Variants in DNAH14 observed in about 807,000 individuals in gnomAD.
DNAH14 encodes the protein dynein axonemal heavy chain 14, also known as axonemal beta dynein heavy chain 14.
DNAH14 carries 478 observed loss-of-function variants against 520.9 expected under a neutral mutation model. The observed-to-expected ratio is 0.92, with a 90% CI of 0.85 to 0.99. DNAH14 has a LOEUF of 0.99. DNAH14 is among the 50% of genes least tolerant of loss of function. The pLI is 0.00. For synonymous variants in DNAH14, 1,581 were observed against 1,757.2 expected (o/e 0.90, Z 2.51); for missense variants, 4,831 against 5,234.5 (o/e 0.92, Z 2.38).
At chr1:225,004,190 C>T (rs2063988426) in intron 9 of DNAH14, among the ~76,000 whole-genome samples, 1 of 152,060 alleles carries the variant, frequency 6.6e-6, no homozygotes, top group African/African-American at 2.4e-5. Context: ...TTGCTATTTT[C>T]AATCTGCTTA....
At chr1:225,061,564 C>A (rs2070120688) in intron 17 of DNAH14, among the ~76,000 whole-genome samples, 1 of 152,216 alleles carries the variant, frequency 6.6e-6, no homozygotes. Flanking sequence ...AACCCAGTAC[C>A]TCAGTTGGAA....
intron 36 of DNAH14, among the ~76,000 whole-genome samples, chr1:225,169,614 G>A (rs1037840656): frequency 1.1e-4 from 16 of 152,082 alleles, no homozygotes; most frequent in African/African-American, 3.9e-4. Context: ...AAGAAATATG[G>A]GACTATGTGA....
intron 38 of DNAH14, among the ~76,000 whole-genome samples, chr1:225,199,258 G>A (rs1157083745): frequency 6.6e-6 from 1 of 151,332 alleles, no homozygotes; most frequent in African/African-American, 2.4e-5. Flanking sequence ...TCTTTCTAAT[G>A]GTCTATCAAT....
chr1:225,309,248 A>G (rs1293964237), intron 60 of DNAH14, among the ~76,000 whole-genome samples: 2 of 152,198 alleles, frequency 1.3e-5, no homozygotes, highest in Non-Finnish European at 2.9e-5. Flanking sequence ...TTATATCAAG[A>G]ATAAAAGAAG....
At chr1:225,335,180 CGCATGTGT>C (rs1558424181) in intron 66 of DNAH14, among the ~76,000 whole-genome samples, 1 of 120,060 alleles carries the variant, frequency 8.3e-6, no homozygotes, top group African/African-American at 3.0e-5. Flanking sequence ...TGTACATGTG[CGCATGTGT>C]GTATATATGC....
At chr1:225,056,762 T>C (rs1349592530) in intron 17 of DNAH14, among the ~76,000 whole-genome samples, 1 of 152,224 alleles carries the variant, frequency 6.6e-6, no homozygotes, top group Non-Finnish European at 1.5e-5. Flanking sequence ...TAGCCAGTTT[T>C]CCCAGCACCA....
chr1:225,357,792 T>C, intron 73 of DNAH14: 1 of 702,144 alleles, frequency 1.4e-6, no homozygotes, highest in South Asian at 1.5e-5. Flanking sequence ...GTAGCTTCAG[T>C]TTTGCTTTAA....
intron 37 of DNAH14, among the ~76,000 whole-genome samples, chr1:225,191,220 C>T (rs985133992): frequency 6.6e-6 from 1 of 151,852 alleles, no homozygotes; most frequent in Non-Finnish European, 1.5e-5. Flanking sequence ...GCATTTATCC[C>T]TTTATTCATA....
intron 26 of DNAH14, among the ~76,000 whole-genome samples, chr1:225,123,002 G>C (rs6689608): frequency 0.13 from 19,141 of 152,086 alleles, 3,714 homozygotes; most frequent in African/African-American, 0.42. Flanking sequence ...TGACTATAAG[G>C]AAACTTAAAA....
chr1:225,360,894 A>G lies in DNAH14; in HGVS notation c.11987+3A>G, dbSNP rs2095485257. The G allele has an allele frequency of 6.4e-7, 1 of 1,550,798 alleles. No homozygotes were observed. Among genetic ancestry groups the G allele is most frequent in the East Asian group, 2.4e-5 (1 of 40,908 alleles). On this transcript the variant is annotated splice_donor_region_variant and intron_variant, in intron 75 of 85. Transcript: ENST00000682510. ...AGGCTTTGCACAATTGTAGAATCGT[A>G]AGAGTTTTACATTTATCTGTAAGGG...
chr1:224,967,887 A>T (rs2061284810), intron 6 of DNAH14: 3 of 1,260,800 alleles, frequency 2.4e-6, no homozygotes, highest in Non-Finnish European at 3.0e-6. Context: ...GCTTAATGGG[A>T]ACTATAATAA....
chr1:224,938,665 T>C (rs567791886), intron 1 of DNAH14, among the ~76,000 whole-genome samples: 1 of 152,316 alleles, frequency 6.6e-6, no homozygotes, highest in South Asian at 2.1e-4. Context: ...AGACCTGCTA[T>C]GTGATCCAGC....
Position 225,043,032 on chromosome 1 carries a change from C to G in DNAH14, c.1686C>G (p.Val562=). ...TGTCAGAAAATAAAGACAATTGTGT[C>G]AAAAAACACTCAAGTGAAGAATTGC... ...DEMSENKDNC[V]KKHSSEELLP... The change falls in exon 13 of 86, where the codon GTC becomes GTG. Residue 562 remains valine (V), a synonymous_variant. Coordinates refer to ENST00000682510, the MANE Select transcript of DNAH14 (RefSeq NM_001367479.1). The G allele has an allele frequency of 6.4e-7, 1 of 1,551,078 alleles. No individual in the cohort carries two copies. Among genetic ancestry groups the G allele is most frequent in the Non-Finnish European group, 8.7e-7 (1 of 1,146,758 alleles).
At chr1:225,365,290 A>T (rs954274155) in intron 76 of DNAH14, among the ~76,000 whole-genome samples, 1 of 152,222 alleles carries the variant, frequency 6.6e-6, no homozygotes, top group African/African-American at 2.4e-5. Context: ...AAAAGTCCTC[A>T]TTAAAGATTA....
At chr1:224,955,126 T>C (rs1407343575) in intron 3 of DNAH14, 28 bp downstream of exon 3, 16 of 1,592,084 alleles carry the variant, frequency 1.0e-5, no homozygotes, top group Non-Finnish European at 1.4e-5. Flanking sequence ...TATTCTGGCA[T>C]GTTGATTTAT....
At chr1:225,103,143 G>C (rs1423505653) in intron 23 of DNAH14, among the ~76,000 whole-genome samples, 1 of 152,132 alleles carries the variant, frequency 6.6e-6, no homozygotes, top group Admixed American at 6.5e-5. Flanking sequence ...TTATTAAATA[G>C]GGAATACTTT....
intron 27 of DNAH14, among the ~76,000 whole-genome samples, chr1:225,132,447 T>A (rs1010013776): frequency 6.6e-6 from 1 of 151,980 alleles, no homozygotes; most frequent in Non-Finnish European, 1.5e-5. Context: ...TCAGCTCCCA[T>A]TTATAAGTGA....
intron 34 of DNAH14, among the ~76,000 whole-genome samples, chr1:225,158,678 C>T (rs940233276): frequency 1.3e-5 from 2 of 152,180 alleles, no homozygotes; most frequent in Admixed American, 6.5e-5. Context: ...TGACACACAA[C>T]CTTGGCAAGT....
At chr1:225,125,473 T>A (rs1322705366) in intron 27 of DNAH14, among the ~76,000 whole-genome samples, 1 of 152,230 alleles carries the variant, frequency 6.6e-6, no homozygotes, top group Non-Finnish European at 1.5e-5. Context: ...CTTTGCACTT[T>A]TACATTACTG....
Sources: gnomAD v4.1 joint callset for allele counts (sites outside exome capture counted in the v4.1 genomes callset) on GRCh38, gnomAD v4.1.1 for gene constraint, MANE v1.5 for transcripts, NCBI Gene and HGNC (gene_info 2026-07-23, HGNC 2026-07-21) for gene names.